Variants in UNC5D observed in about 807,000 individuals in gnomAD.
UNC5D encodes netrin receptor UNC5D.
In UNC5D, 39 loss-of-function variants were observed where a neutral mutation model predicts 105.4. That is an observed-to-expected ratio of 0.37 (90% confidence interval 0.29 to 0.48). UNC5D has a LOEUF of 0.48. Ranked by LOEUF, UNC5D falls within the 20% of genes least tolerant of loss-of-function variation. The pLI, the probability that UNC5D is intolerant of heterozygous loss-of-function variation, is 0.98. For missense variants in UNC5D, 991 were observed against 1,202.4 expected (o/e 0.82, Z 2.60); for synonymous variants, 452 against 450.4 (o/e 1.00, Z -0.04).
intron 14 of UNC5D, among the ~76,000 whole-genome samples, chr8:35,766,183 C>G (rs1342781412): frequency 6.6e-6 from 1 of 152,006 alleles, no homozygotes; most frequent in African/African-American, 2.4e-5. Context: ...GTTCTTGTTT[C>G]TTATTGTTTA....
intron 1 of UNC5D, among the ~76,000 whole-genome samples, chr8:35,274,063 A>G (rs1805603970): frequency 6.6e-6 from 1 of 152,052 alleles, no homozygotes; most frequent in Admixed American, 6.6e-5. Context: ...ACTGAGCATA[A>G]TTATGGTCTG....
At chr8:35,556,620 A>G (rs1467652247) in intron 2 of UNC5D, among the ~76,000 whole-genome samples, 1 of 152,222 alleles carries the variant, frequency 6.6e-6, no homozygotes, top group Non-Finnish European at 1.5e-5. Flanking sequence ...CAATGCTTGT[A>G]TATGTGGGGA....
At chr8:35,361,316 A>T (rs1801838299) in intron 1 of UNC5D, among the ~76,000 whole-genome samples, 1 of 152,254 alleles carries the variant, frequency 6.6e-6, no homozygotes, top group African/African-American at 2.4e-5. Flanking sequence ...GATGGACTGT[A>T]TGATGTCTAA....
intron 1 of UNC5D, among the ~76,000 whole-genome samples, chr8:35,405,834 G>C (rs1156812758): frequency 6.6e-6 from 1 of 151,918 alleles, no homozygotes; most frequent in Admixed American, 6.6e-5. Context: ...TTTCCTTTTA[G>C]TGTGCTGCAC....
At chr8:35,604,886 C>T (rs1451018166) in intron 4 of UNC5D, among the ~76,000 whole-genome samples, 1 of 152,208 alleles carries the variant, frequency 6.6e-6, no homozygotes, top group Non-Finnish European at 1.5e-5. Flanking sequence ...CCATGGTTTT[C>T]AGCTCCATCA....
At chr8:35,577,200 TTATC>T (rs757819325) in intron 3 of UNC5D, among the ~76,000 whole-genome samples, 21 of 152,122 alleles carry the variant, frequency 1.4e-4, no homozygotes, top group Non-Finnish European at 2.8e-4. Flanking sequence ...ACTAGTATCA[TTATC>T]AATAATTTGA....
chr8:35,420,042 C>T (rs1805792044), intron 1 of UNC5D, among the ~76,000 whole-genome samples: 1 of 151,908 alleles, frequency 6.6e-6, no homozygotes. Context: ...CTGGAAAAAG[C>T]ATTATTTGAT....
intron 1 of UNC5D, among the ~76,000 whole-genome samples, chr8:35,493,629 T>C (rs1192248024): frequency 3.9e-5 from 6 of 152,166 alleles, no homozygotes; most frequent in African/African-American, 1.4e-4. Flanking sequence ...CCAAATGGAA[T>C]TAATGAAAAA....
At chr8:35,263,477 C>A (rs192393183) in intron 1 of UNC5D, among the ~76,000 whole-genome samples, 1 of 152,218 alleles carries the variant, frequency 6.6e-6, no homozygotes, top group East Asian at 1.9e-4. Flanking sequence ...TCACTGCAGC[C>A]TTGAACTCCT....
intron 1 of UNC5D, among the ~76,000 whole-genome samples, chr8:35,456,952 A>G (rs1053910152): frequency 6.6e-6 from 1 of 152,230 alleles, no homozygotes. Flanking sequence ...TATATGATGC[A>G]TGAAATGCCT....
chr8:35,580,003 A>G (rs893597510), intron 3 of UNC5D, among the ~76,000 whole-genome samples: 4 of 152,182 alleles, frequency 2.6e-5, no homozygotes, highest in African/African-American at 7.2e-5. Flanking sequence ...GGAACGTAAA[A>G]TTAGCTAGAG....
chr8:35,434,075 A>G (rs1323168006), intron 1 of UNC5D, among the ~76,000 whole-genome samples: 2 of 152,056 alleles, frequency 1.3e-5, no homozygotes, highest in African/African-American at 2.4e-5. Context: ...AATATGTAAC[A>G]TAATGATAAG....
intron 4 of UNC5D, among the ~76,000 whole-genome samples, chr8:35,619,491 GA>G (rs977816979): frequency 6.6e-6 from 1 of 151,916 alleles, no homozygotes; most frequent in African/African-American, 2.4e-5. Flanking sequence ...CTTCCATCCT[GA>G]AAAAAAACTG....
chr8:35,473,766 A>T (rs988925360), intron 1 of UNC5D, among the ~76,000 whole-genome samples: 2 of 152,172 alleles, frequency 1.3e-5, no homozygotes, highest in Non-Finnish European at 2.9e-5. Flanking sequence ...TTGGCTATTT[A>T]TGGGGTGTGT....
At chr8:35,685,757 T>C (rs1429654884) in intron 6 of UNC5D, among the ~76,000 whole-genome samples, 3 of 152,216 alleles carry the variant, frequency 2.0e-5, no homozygotes, top group African/African-American at 7.2e-5. Flanking sequence ...GCTCAGCGGA[T>C]AAGTTGGCAG....
At chr8:35,350,788 T>G (rs972964808) in intron 1 of UNC5D, among the ~76,000 whole-genome samples, 4 of 152,060 alleles carry the variant, frequency 2.6e-5, no homozygotes, top group African/African-American at 4.8e-5. Context: ...TGTAAGAACA[T>G]GCTGTCTTAA....
Position 35,792,968 on chromosome 8 carries a change from A to AT in UNC5D, c.*2414dup, listed in dbSNP as rs571534961. 1,661 of 448,824 alleles carry AT rather than the reference A, an allele frequency of 3.7e-3. 27 individuals carry two copies. Among genetic ancestry groups the AT allele is most frequent in the South Asian group, 0.023 (1,469 of 62,636 alleles). The allele number at this position is 448,824 out of a possible 1,614,324, so 27.8% of individuals were successfully genotyped here. ...GAATGTCTGGAGTTACCTCCCATGG[A>AT]TTTTTTTTTCCTTTGGCCTGGGTTT... On this transcript the variant is annotated 3_prime_UTR_variant, in exon 17 of 17. Coordinates refer to ENST00000404895, the MANE Select transcript of UNC5D (RefSeq NM_080872.4).
intron 1 of UNC5D, among the ~76,000 whole-genome samples, chr8:35,374,953 A>G (rs1802616123): frequency 6.6e-6 from 1 of 152,174 alleles, no homozygotes; most frequent in Non-Finnish European, 1.5e-5. Flanking sequence ...TAGTTTTATT[A>G]TAAGGAGCTA....
chr8:35,458,266 C>T (rs1054865040), intron 1 of UNC5D, among the ~76,000 whole-genome samples: 1 of 152,132 alleles, frequency 6.6e-6, no homozygotes, highest in Admixed American at 6.6e-5. Context: ...CTCCCAGTAC[C>T]TTTCCCTACC....
Sources: gnomAD v4.1 joint callset for allele counts (sites outside exome capture counted in the v4.1 genomes callset) on GRCh38, gnomAD v4.1.1 for gene constraint, MANE v1.5 for transcripts, NCBI Gene and HGNC (gene_info 2026-07-23, HGNC 2026-07-21) for gene names.